Variants in SGSM2 observed in about 807,000 individuals in gnomAD.
SGSM2 encodes the protein small G protein signaling modulator 2.
A neutral mutation model predicts 126.6 loss-of-function variants in SGSM2; 89 were observed. The ratio of observed to expected loss-of-function variants is 0.70; its 90% CI spans 0.59 to 0.84. The LOEUF (loss-of-function observed/expected upper bound fraction) is 0.84, where lower values mean the gene tolerates loss of function less well. Ranked by LOEUF, SGSM2 falls within the 40% of genes least tolerant of loss-of-function variation. The pLI is 0.00. For missense variants in SGSM2, 1,404 were observed against 1,416.6 expected (o/e 0.99, Z 0.14); for synonymous variants, 614 against 574.3 (o/e 1.07, Z -0.99).
At position 2,376,793 on chromosome 17, in the gene SGSM2, T is replaced by C. The variant is rs199810815; in HGVS notation, c.2670T>C (p.Pro890=). Residue 890 remains proline, a synonymous_variant, in exon 20 of 24, where the codon CCT becomes CCC. Transcript: ENST00000268989. ...YVQGMCDLLA[P]LLVTLDNDQL... ...AGGGCATGTGCGATCTGCTGGCGCCTCTCCTGGTCACCCTCGACAATGGTG... is the reference window on the plus strand; with the variant it reads ...AGGGCATGTGCGATCTGCTGGCGCCCCTCCTGGTCACCCTCGACAATGGTG... 6.2e-6 allele frequency: 10 copies of C among 1,613,986 alleles called. No homozygotes were observed. In the East Asian group the frequency reaches 2.2e-4, roughly 36 times the overall value.
intron 2 of SGSM2, among the ~76,000 whole-genome samples, chr17:2,347,409 AT>A (rs370675318): frequency 0.034 from 4,488 of 131,216 alleles, 182 homozygotes; most frequent in African/African-American, 0.1. Flanking sequence ...ACCCGGCCTC[AT>A]TTTTTTTTTT....
chr17:2,345,192 G>A (rs1387271645), intron 2 of SGSM2, among the ~76,000 whole-genome samples: 1 of 152,234 alleles, frequency 6.6e-6, no homozygotes, highest in Non-Finnish European at 1.5e-5. Context: ...GCCGGGCACA[G>A]TGGCTCACGC....
chr17:2,373,206 C>A, intron 16 of SGSM2, 125 bp downstream of exon 16: 1 of 1,534,026 alleles, frequency 6.5e-7, no homozygotes. Flanking sequence ...GCAGCTCCAC[C>A]GTCCTTACCC....
chr17:2,375,311 TCTCC>T, intron 17 of SGSM2, 177 bp from the exon 18 acceptor site: 1 of 693,286 alleles, frequency 1.4e-6, no homozygotes, highest in Non-Finnish European at 2.3e-6. Flanking sequence ...GGCTTGTTTC[TCTCC>T]GCCTGGCTGG....
chr17:2,361,574 G>A, intron 2 of SGSM2, 63 bp from the exon 3 acceptor site: 2 of 1,571,036 alleles, frequency 1.3e-6, no homozygotes, highest in South Asian at 2.3e-5. Context: ...TGGGGAAGAG[G>A]AGCTTTTCTT....
intron 2 of SGSM2, among the ~76,000 whole-genome samples, chr17:2,352,789 T>TGAGACGGAG: frequency 8.0e-6 from 1 of 124,952 alleles, no homozygotes; most frequent in African/African-American, 3.7e-5. Flanking sequence ...TTTTTTTTTT[T>TGAGACGGAG]TTTTTTGAGA....
intron 8 of SGSM2, 163 bp downstream of exon 8, chr17:2,364,346 C>G: frequency 1.0e-6 from 1 of 994,314 alleles, no homozygotes; most frequent in Non-Finnish European, 1.5e-6. Context: ...CCCAAGCTCT[C>G]TAGGACGGAG....
intron 21 of SGSM2, chr17:2,377,294 G>A: frequency 2.0e-6 from 1 of 499,628 alleles, no homozygotes; most frequent in Non-Finnish European, 3.5e-6. Flanking sequence ...GACCAGCCTG[G>A]CCAACATCGT....
At chr17:2,339,756 C>T (rs78900090) in intron 1 of SGSM2, among the ~76,000 whole-genome samples, 2,021 of 151,686 alleles carry the variant, frequency 0.013, 43 homozygotes, top group African/African-American at 0.047. Flanking sequence ...GGTTCTCATG[C>T]GTTAGCCATG....
chr17:2,371,642 T>G, intron 13 of SGSM2: 1 of 548,834 alleles, frequency 1.8e-6, no homozygotes, highest in South Asian at 2.2e-5. Context: ...ATGGGGATGA[T>G]GCCACTTGCT....
At chr17:2,369,151 G>A (rs1300934422) in intron 12 of SGSM2, among the ~76,000 whole-genome samples, 1 of 152,188 alleles carries the variant, frequency 6.6e-6, no homozygotes, top group Admixed American at 6.5e-5. Context: ...AGAGGGCTGG[G>A]GAATGGGGGC....
At chr17:2,376,596 G>A in intron 19 of SGSM2, 137 bp from the exon 20 acceptor site, 3 of 938,570 alleles carry the variant, frequency 3.2e-6, no homozygotes, top group South Asian at 1.5e-5. Flanking sequence ...TCCCTGTGGG[G>A]GGTGCACAGT....
In SGSM2 at chr17:2,376,824, T is replaced by G. The variant is rs1340765186; in HGVS notation, c.2692+9T>G. ...GGTCACCCTCGACAATGGTGAGGGA[T>G]GGCGGGACATGGGACTGGGCTGCGT... is the stretch of plus-strand genomic sequence containing the variant. On this transcript the variant is annotated intron_variant, in intron 20 of 23. Transcript: ENST00000268989. 6.2e-7 allele frequency: 1 copy of G among 1,613,912 alleles called. No homozygotes were observed. The highest frequency in any genetic ancestry group is 1.1e-5 in the South Asian group (1 of 91,070).
At chr17:2,349,851 G>A (rs539317277) in intron 2 of SGSM2, among the ~76,000 whole-genome samples, 1 of 151,178 alleles carries the variant, frequency 6.6e-6, no homozygotes, top group Non-Finnish European at 1.5e-5. Flanking sequence ...GCAATGGAGC[G>A]GTCTTGGCTC....
chr17:2,344,691 G>T (rs1409958964), intron 2 of SGSM2, among the ~76,000 whole-genome samples: 3 of 148,466 alleles, frequency 2.0e-5, no homozygotes, highest in Admixed American at 7.0e-5. Flanking sequence ...CTTGGCATGT[G>T]ATAAGAGCTA....
chr17:2,358,526 T>A (rs530910123), intron 2 of SGSM2, among the ~76,000 whole-genome samples: 2 of 151,812 alleles, frequency 1.3e-5, no homozygotes, highest in East Asian at 3.9e-4. Context: ...CTAGGCAACA[T>A]AGTGAGACCT....
In SGSM2 at chr17:2,380,221, G is replaced by A. The variant is rs985498169; in HGVS notation, c.*701G>A. The A allele has an allele frequency of 1.6e-5, 24 of 1,535,596 alleles. No individual in the cohort carries two copies. In the African/African-American group the frequency reaches 1.9e-4, roughly 12 times the overall value. ...TTGTACAGTGTACCTCTGTGTATCT[G>A]TACAGCCTCGCTCCTGCCACCCCAC... On this transcript the variant is annotated 3_prime_UTR_variant, in exon 24 of 24. Transcript: ENST00000268989.
In SGSM2 at chr17:2,347,768, C is replaced by T. The variant is rs538117493; in HGVS notation, c.133+4148C>T. ...GGGATTACAGGTGCATACCACCGCC[C>T]GAGGTCCATAGTGTTTTATTTACCC... On this transcript the variant is annotated intron_variant, in intron 2 of 23. Transcript: ENST00000268989. Among the ~76,000 whole-genome samples, 10 of 152,176 alleles carry T rather than the reference C, an allele frequency of 6.6e-5. No individual in the cohort carries two copies. The South Asian group carries it at 1.0e-3, about 16-fold the overall frequency.
At chr17:2,359,217 AAGTCC>A (rs1410363943) in intron 2 of SGSM2, among the ~76,000 whole-genome samples, 2 of 152,054 alleles carry the variant, frequency 1.3e-5, no homozygotes, top group African/African-American at 4.8e-5. Flanking sequence ...CCCATTCACA[AAGTCC>A]TCTCGGGGCC....
Sources: allele counts gnomAD v4.1 joint callset (sites outside exome capture counted in the v4.1 genomes callset), GRCh38; gene constraint gnomAD v4.1.1; transcripts MANE v1.5; gene names NCBI Gene and HGNC (gene_info 2026-07-23, HGNC 2026-07-21).